Variants in FRMPD3 observed in about 807,000 individuals in gnomAD.
FRMPD3 encodes FERM and PDZ domain-containing protein 3.
In FRMPD3, 42 loss-of-function variants were observed where a neutral mutation model predicts 97.9. The observed-to-expected ratio is 0.43, with a 90% CI of 0.34 to 0.55. The LOEUF is 0.55. Ranked by LOEUF, FRMPD3 falls within the 20% of genes least tolerant of loss-of-function variation. The pLI is 0.03. For synonymous variants in FRMPD3, 577 were observed against 581.1 expected, an observed-to-expected ratio of 0.99 and a Z score of 0.10; for missense variants, 1,303 against 1,457.7, an observed-to-expected ratio of 0.89 and a Z score of 1.73.
At chrX:107,569,870 G>A (rs1273445717) in intron 12 of FRMPD3, among the ~76,000 whole-genome samples, 1 of 110,580 alleles carries the variant, frequency 9.0e-6, no homozygotes, top group Non-Finnish European at 1.9e-5. Context: ...ACAAAAATTA[G>A]CTGGGCATGG....
At chrX:107,504,982 C>T (rs891465886) in intron 1 of FRMPD3, among the ~76,000 whole-genome samples, 3 of 112,407 alleles carry the variant, frequency 2.7e-5, no homozygotes, top group African/African-American at 9.7e-5. Context: ...GTCATGGGCA[C>T]TGCTGAGGGA....
rs965574873 is a variant in FRMPD3 at position 107,449,827 on chromosome X, C to T, written c.-186C>T. Among the ~76,000 whole-genome samples, 6 of 108,217 alleles carry T rather than the reference C, an allele frequency of 5.5e-5. No homozygotes were observed. Among genetic ancestry groups the T allele is most frequent in the African/African-American group, 1.7e-4 (5 of 30,118 alleles). 94.0% of individuals were successfully genotyped at this position (108,217 alleles called of 115,157 possible). A position where few individuals can be genotyped will look rare whatever the true frequency, so the allele number is the denominator to read the frequency against. The stretch of plus-strand genomic sequence containing the variant: ...TGCTGCCGCCCTGCCAACCTCTGCC[C>T]GCCCCGCCGCCCGGCGCCACTGAGC... On this transcript the variant is annotated 5_prime_UTR_variant, in exon 1 of 15. Coordinates refer to ENST00000683843, the MANE Select transcript of FRMPD3 (RefSeq NM_001388459.1).
chrX:107,526,880 A>C, intron 2 of FRMPD3, 144 bp downstream of exon 2: 6 of 585,012 alleles, frequency 1.0e-5, no homozygotes, highest in Non-Finnish European at 1.5e-5. Context: ...CCAACCAATA[A>C]CTGTGTGAGG....
intron 4 of FRMPD3, among the ~76,000 whole-genome samples, chrX:107,535,542 A>G (rs1009445509): frequency 7.3e-5 from 8 of 109,660 alleles, no homozygotes; most frequent in African/African-American, 2.7e-4. Flanking sequence ...GGATGGTGGA[A>G]CGCACCTGTA....
intron 8 of FRMPD3, among the ~76,000 whole-genome samples, chrX:107,556,851 G>A (rs1478002635): frequency 8.9e-6 from 1 of 112,132 alleles, no homozygotes; most frequent in Non-Finnish European, 1.9e-5. Context: ...ATTCCAGAAT[G>A]TGTTTATTAA....
At chrX:107,507,425 C>A (rs910757358) in intron 1 of FRMPD3, among the ~76,000 whole-genome samples, 1 of 111,028 alleles carries the variant, frequency 9.0e-6, no homozygotes, top group African/African-American at 3.3e-5. Flanking sequence ...GGGAGGGAAA[C>A]CACCCGAGTG....
chrX:107,492,717 A>G (rs1921688475), intron 1 of FRMPD3, among the ~76,000 whole-genome samples: 1 of 112,199 alleles, frequency 8.9e-6, no homozygotes, highest in Non-Finnish European at 1.9e-5. Flanking sequence ...GGTGATTTGT[A>G]TACACATTAA....
chrX:107,487,665 G>C (rs1190322104), intron 1 of FRMPD3, among the ~76,000 whole-genome samples: 4 of 111,615 alleles, frequency 3.6e-5, no homozygotes, highest in African/African-American at 1.3e-4. Flanking sequence ...CTTGAATATT[G>C]ATGCCAGGCC....
At chrX:107,537,040 C>T (rs1224275731) in intron 4 of FRMPD3, among the ~76,000 whole-genome samples, 1 of 111,507 alleles carries the variant, frequency 9.0e-6, no homozygotes, top group Non-Finnish European at 1.9e-5. Flanking sequence ...TTTCCCATCC[C>T]AGTGCCTCCA....
At chrX:107,554,799 C>T (rs1922007088) in intron 8 of FRMPD3, 1 of 270,038 alleles carries the variant, frequency 3.7e-6, no homozygotes, top group South Asian at 8.7e-5. Flanking sequence ...GTTTAACAAG[C>T]CCATTTCGGT....
chrX:107,511,512 G>A (rs1602765727), intron 1 of FRMPD3, among the ~76,000 whole-genome samples: 2 of 112,977 alleles, frequency 1.8e-5, no homozygotes. Flanking sequence ...GGGGTTGGGG[G>A]CATGGAAGGC....
intron 10 of FRMPD3, among the ~76,000 whole-genome samples, chrX:107,561,708 C>G (rs1922370581): frequency 8.9e-6 from 1 of 112,582 alleles, no homozygotes; most frequent in Non-Finnish European, 1.9e-5. Flanking sequence ...TACATTCCTC[C>G]CATTCCAGAT....
intron 1 of FRMPD3, among the ~76,000 whole-genome samples, chrX:107,514,191 G>C (rs1044870648): frequency 9.0e-6 from 1 of 111,644 alleles, no homozygotes; most frequent in African/African-American, 3.3e-5. Context: ...GCAAGAGGAA[G>C]AGTAGCATGG....
chrX:107,561,221 T>C (rs1727266309), intron 10 of FRMPD3, among the ~76,000 whole-genome samples: 1 of 111,883 alleles, frequency 8.9e-6, no homozygotes, highest in South Asian at 3.7e-4. Context: ...ATGACTAGGC[T>C]GGTGTGGTGG....
chrX:107,488,961 A>T (rs1192924025), intron 1 of FRMPD3, among the ~76,000 whole-genome samples: 1 of 101,479 alleles, frequency 9.9e-6, no homozygotes, highest in Non-Finnish European at 2.0e-5. Flanking sequence ...CATTAGGTAT[A>T]TCTCCTAATG....
chrX:107,516,566 T>C (rs1323631204), intron 1 of FRMPD3, among the ~76,000 whole-genome samples: 1 of 111,673 alleles, frequency 9.0e-6, no homozygotes, highest in Non-Finnish European at 1.9e-5. Context: ...ATGATCGCCA[T>C]TCGAACTGGT....
intron 1 of FRMPD3, among the ~76,000 whole-genome samples, chrX:107,458,280 A>G (rs1430119872): frequency 1.8e-5 from 2 of 112,214 alleles, no homozygotes; most frequent in Non-Finnish European, 3.8e-5. Flanking sequence ...GAAATCCGTA[A>G]TTTAACAGAA....
rs763982539 is a variant in FRMPD3, at chrX:107,463,985, C to T, written c.-8+13980C>T. Among the ~76,000 whole-genome samples the T allele has an allele frequency of 1.4e-4, 16 of 111,801 alleles. No homozygotes were observed. The East Asian group carries it at 4.5e-3, about 31-fold the overall frequency. Reference sequence around the variant, plus strand: ...GGGGCCACCTCTAATCTAATCTTGCCTTTTGGGATTTGTTTGTAGGTAAGA... The same window carrying T: ...GGGGCCACCTCTAATCTAATCTTGCTTTTTGGGATTTGTTTGTAGGTAAGA... On this transcript the variant is annotated intron_variant, in intron 1 of 14. Coordinates refer to ENST00000683843, the MANE Select transcript of FRMPD3 (RefSeq NM_001388459.1).
At chrX:107,598,686 T>C (rs1442830737) in intron 14 of FRMPD3, among the ~76,000 whole-genome samples, 1 of 112,077 alleles carries the variant, frequency 8.9e-6, no homozygotes, top group African/African-American at 3.2e-5. Context: ...ACTTACTCTC[T>C]CTGAACCTCA....
Sources: allele counts gnomAD v4.1 joint callset (sites outside exome capture counted in the v4.1 genomes callset), GRCh38; gene constraint gnomAD v4.1.1; transcripts MANE v1.5; gene names NCBI Gene and HGNC (gene_info 2026-07-23, HGNC 2026-07-21).